The following ATG10 variants were observed in gnomAD, a reference collection of about 807,000 sequenced individuals.
ATG10 encodes the protein ubiquitin-like-conjugating enzyme ATG10.
ATG10 carries 30 observed loss-of-function variants against 32.1 expected under a neutral mutation model. That is an observed-to-expected ratio of 0.94 (90% CI 0.70 to 1.27). ATG10 has a LOEUF of 1.27. ATG10 is among the 50% of genes most tolerant of loss of function. The probability of loss-of-function intolerance (pLI) is 0.00; values close to 1 mark genes in which losing one functional copy is unlikely to be tolerated. For synonymous variants in ATG10, 87 were observed against 91.5 expected (o/e 0.95, Z 0.28); for missense variants, 233 against 262.3 (o/e 0.89, Z 0.77).
At chr5:82,076,958 A>G (rs964778606) in intron 3 of ATG10, among the ~76,000 whole-genome samples, 9 of 152,174 alleles carry the variant, frequency 5.9e-5, no homozygotes, top group African/African-American at 2.2e-4. Flanking sequence ...TAGCCATTGT[A>G]ATTTGGATTG....
At chr5:82,054,261 T>C (rs946253646) in intron 2 of ATG10, among the ~76,000 whole-genome samples, 1 of 152,188 alleles carries the variant, frequency 6.6e-6, no homozygotes, top group African/African-American at 2.4e-5. Context: ...CAGTTTGCTG[T>C]CTCTTTGAGT....
At chr5:82,143,961 C>T (rs1283537017) in intron 3 of ATG10, among the ~76,000 whole-genome samples, 1 of 152,122 alleles carries the variant, frequency 6.6e-6, no homozygotes, top group Non-Finnish European at 1.5e-5. Context: ...CCATCTGGGC[C>T]TGAAGCTTCC....
At chr5:82,015,664 G>C (rs999766341) in intron 2 of ATG10, among the ~76,000 whole-genome samples, 1 of 152,134 alleles carries the variant, frequency 6.6e-6, no homozygotes, top group Non-Finnish European at 1.5e-5. Flanking sequence ...TCATGCCATG[G>C]TTTTCAGCTC....
At chr5:82,252,346 G>A (rs577716444) in intron 5 of ATG10, among the ~76,000 whole-genome samples, 52 of 152,236 alleles carry the variant, frequency 3.4e-4, no homozygotes, top group Admixed American at 6.5e-4. Context: ...TGCTATACTC[G>A]ACCATACTGC....
At chr5:82,059,657 A>AC (rs112809340) in intron 3 of ATG10, among the ~76,000 whole-genome samples, 4 of 152,146 alleles carry the variant, frequency 2.6e-5, no homozygotes, top group Admixed American at 6.5e-5. Flanking sequence ...GAAAGAGGTG[A>AC]ATTTTTGTGT....
chr5:82,168,068 T>C (rs992880362), intron 4 of ATG10, among the ~76,000 whole-genome samples: 1 of 151,778 alleles, frequency 6.6e-6, no homozygotes, highest in Non-Finnish European at 1.5e-5. Flanking sequence ...AAGTGCATGC[T>C]GTTTTTTTTT....
intron 2 of ATG10, among the ~76,000 whole-genome samples, chr5:82,034,865 C>G (rs1186479879): frequency 1.3e-5 from 2 of 152,136 alleles, no homozygotes; most frequent in East Asian, 3.8e-4. Context: ...CTTCTCAACA[C>G]TATCATTTTT....
At chr5:82,219,813 G>A (rs1745844667) in intron 5 of ATG10, among the ~76,000 whole-genome samples, 1 of 152,148 alleles carries the variant, frequency 6.6e-6, no homozygotes, top group Non-Finnish European at 1.5e-5. Flanking sequence ...ATCTGAGAAG[G>A]GAGTAGAAGT....
chr5:82,025,741 T>C (rs1030651752), intron 2 of ATG10, among the ~76,000 whole-genome samples: 1 of 152,158 alleles, frequency 6.6e-6, no homozygotes, highest in African/African-American at 2.4e-5. Context: ...ATTCACTAAT[T>C]ATTTTGGACT....
At chr5:82,119,430 T>A (rs1765955117) in intron 3 of ATG10, among the ~76,000 whole-genome samples, 1 of 152,140 alleles carries the variant, frequency 6.6e-6, no homozygotes, top group South Asian at 2.1e-4. Context: ...ATGAGAAAGC[T>A]GTAATTGTTT....
intron 2 of ATG10, among the ~76,000 whole-genome samples, chr5:81,995,731 C>G (rs1218003918): frequency 6.6e-6 from 1 of 152,000 alleles, no homozygotes; most frequent in Non-Finnish European, 1.5e-5. Flanking sequence ...GCAATGCCAC[C>G]CTGTAGAAGC....
intron 3 of ATG10, chr5:82,078,816 T>A (rs2149778168): frequency 6.6e-6 from 1 of 152,346 alleles, no homozygotes; most frequent in Admixed American, 6.5e-5. Context: ...GTTTAGGGAT[T>A]AACACAGGCA....
At chr5:82,246,926 G>A (rs1451090675) in intron 5 of ATG10, among the ~76,000 whole-genome samples, 1 of 152,104 alleles carries the variant, frequency 6.6e-6, no homozygotes, top group Non-Finnish European at 1.5e-5. Flanking sequence ...AGTAATTCTT[G>A]GTTGACAGTT....
At chr5:82,043,701 A>G (rs1763154178) in intron 2 of ATG10, among the ~76,000 whole-genome samples, 1 of 152,224 alleles carries the variant, frequency 6.6e-6, no homozygotes. Context: ...TTCTCTTGCC[A>G]GATACCCTAA....
At chr5:82,246,630 T>A (rs1747048794) in intron 5 of ATG10, among the ~76,000 whole-genome samples, 1 of 152,134 alleles carries the variant, frequency 6.6e-6, no homozygotes, top group Non-Finnish European at 1.5e-5. Flanking sequence ...ATTATTGTCA[T>A]GTATGTTACA....
chr5:82,203,307 G>A (rs980384680), intron 5 of ATG10, among the ~76,000 whole-genome samples: 2 of 151,948 alleles, frequency 1.3e-5, no homozygotes, highest in East Asian at 3.9e-4. Flanking sequence ...CCAGTGTTTG[G>A]TTGTTTACCC....
At chr5:82,067,229 G>GT (rs1763967769) in intron 3 of ATG10, among the ~76,000 whole-genome samples, 2 of 152,126 alleles carry the variant, frequency 1.3e-5, no homozygotes. Flanking sequence ...TAGTAGTGTG[G>GT]TCTGTGAGAG....
chr5:82,219,678 C>A (rs1745840346), intron 5 of ATG10, among the ~76,000 whole-genome samples: 1 of 152,196 alleles, frequency 6.6e-6, no homozygotes, highest in Admixed American at 6.5e-5. Flanking sequence ...CATCCATTAG[C>A]TGCTGCCCAC....
At chr5:82,165,330 T>G (rs1255489735) in intron 4 of ATG10, among the ~76,000 whole-genome samples, 4 of 152,264 alleles carry the variant, frequency 2.6e-5, no homozygotes, top group Non-Finnish European at 5.9e-5. Flanking sequence ...TTGAACAGCC[T>G]TCTGACTTTT....
Sources: gnomAD v4.1 joint callset for allele counts (sites outside exome capture counted in the v4.1 genomes callset) on GRCh38, gnomAD v4.1.1 for gene constraint, MANE v1.5 for transcripts, NCBI Gene and HGNC (gene_info 2026-07-23, HGNC 2026-07-21) for gene names.